DNAH11: variants seen among roughly 807,000 people sequenced by gnomAD.
The protein encoded by DNAH11 is dynein axonemal heavy chain 11, also known as axonemal beta dynein heavy chain 11.
Under a neutral mutation model 526.0 loss-of-function variants are expected in DNAH11, and 442 were observed. That is an observed-to-expected ratio of 0.84 (90% CI 0.78 to 0.91). DNAH11 has a LOEUF of 0.91. Among genes scored for constraint, DNAH11 ranks in the 40% least tolerant of loss-of-function variants. The pLI is 0.00. For missense variants in DNAH11, 6,989 were observed against 5,448.7 expected (o/e 1.28, Z -8.90); for synonymous variants, 2,461 against 1,935.9 (o/e 1.27, Z -7.12).
At chr7:21,607,958 A>G (rs1462676743) in intron 20 of DNAH11, among the ~76,000 whole-genome samples, 3 of 149,544 alleles carry the variant, frequency 2.0e-5, no homozygotes, top group Non-Finnish European at 3.0e-5. Flanking sequence ...AAAAAAAAAA[A>G]AAGGCTTGTA....
At position 21,569,974 on chromosome 7, in the gene DNAH11, C is replaced by G. The variant is rs573391311; in HGVS notation, c.1195-95C>G. ...AGCATTGCTGGCCCAACTTTAGATA[C>G]TGGCATTTAAAAATGATTCTTTGAA... is the stretch of plus-strand genomic sequence containing the variant. On this transcript the variant is annotated intron_variant, in intron 6 of 81. Coordinates refer to ENST00000409508, the MANE Select transcript of DNAH11 (RefSeq NM_001277115.2). 7.9e-6 allele frequency: 8 copies of G among 1,011,356 alleles called. No individual in the cohort carries two copies. The South Asian group carries it at 1.6e-4, about 20-fold the overall frequency. The allele number at this position is 1,011,356 out of a possible 1,614,324, so 62.6% of individuals were successfully genotyped here. A position where few individuals can be genotyped will look rare whatever the true frequency, so the allele number is the denominator to read the frequency against.
intron 25 of DNAH11, among the ~76,000 whole-genome samples, chr7:21,632,209 C>A (rs900077122): frequency 2.0e-5 from 3 of 152,194 alleles, no homozygotes; most frequent in African/African-American, 7.2e-5. Flanking sequence ...GCACAGGAAC[C>A]CTGGGCCTGG....
intron 26 of DNAH11, among the ~76,000 whole-genome samples, chr7:21,636,390 A>G (rs1257015226): frequency 1.3e-5 from 2 of 152,182 alleles, no homozygotes; most frequent in African/African-American, 4.8e-5. Flanking sequence ...TTTGAATTTC[A>G]CATAGTTATC....
intron 39 of DNAH11, among the ~76,000 whole-genome samples, chr7:21,705,994 C>T (rs2128479729): frequency 6.6e-6 from 1 of 152,258 alleles, no homozygotes; most frequent in African/African-American, 2.4e-5. Flanking sequence ...TCCAAGTCAT[C>T]CTTGATTCTC....
chr7:21,807,811 A>G (rs760916568), intron 62 of DNAH11, 72 bp from the exon 63 acceptor site: 15 of 1,457,298 alleles, frequency 1.0e-5, no homozygotes, highest in Non-Finnish European at 1.3e-5. Flanking sequence ...GCCATAAGGT[A>G]ATTGCATTAA....
chr7:21,656,641 G>A (rs17144904), intron 29 of DNAH11, among the ~76,000 whole-genome samples: 12,949 of 152,128 alleles, frequency 0.085, 710 homozygotes, highest in African/African-American at 0.16. Flanking sequence ...TTTTATGATG[G>A]AGCTTGCGTA....
intron 31 of DNAH11, among the ~76,000 whole-genome samples, chr7:21,683,342 A>C (rs1783219820): frequency 2.0e-5 from 3 of 152,214 alleles, no homozygotes; most frequent in African/African-American, 7.2e-5. Context: ...CAAAGCAGAA[A>C]ATCTCTGTAC....
At chr7:21,665,057 G>A (rs1782372667) in intron 30 of DNAH11, among the ~76,000 whole-genome samples, 1 of 151,904 alleles carries the variant, frequency 6.6e-6, no homozygotes, top group Non-Finnish European at 1.5e-5. Context: ...TTGTCAGGAA[G>A]GGATCAGTCT....
rs954013400 is a variant in DNAH11, at chr7:21,739,728, G to C, written c.7914+55G>C. The C allele has an allele frequency of 2.9e-5, 39 of 1,365,954 alleles. No homozygotes were observed. The East Asian group carries it at 7.0e-4, about 25-fold the overall frequency. 84.6% of individuals were successfully genotyped at this position (1,365,954 alleles called of 1,614,324 possible). A position where few individuals can be genotyped will look rare whatever the true frequency, so the allele number is the denominator to read the frequency against. Reference sequence around the variant, plus strand: ...TGTAGGTCTGTATTGTATTGTTTTCGAGTACAGCTTAGGATTCCTATGGGA... The same window carrying C: ...TGTAGGTCTGTATTGTATTGTTTTCCAGTACAGCTTAGGATTCCTATGGGA... On this transcript the variant is annotated intron_variant, in intron 48 of 81. Transcript: ENST00000409508.
intron 30 of DNAH11, among the ~76,000 whole-genome samples, chr7:21,674,670 A>G (rs1782796221): frequency 6.6e-6 from 1 of 151,520 alleles, no homozygotes; most frequent in African/African-American, 2.4e-5. Flanking sequence ...TTTTTCACAC[A>G]TCCCTGACTG....
rs1232942462 is a variant in DNAH11, at chr7:21,901,477, G to C, written c.*223G>C. 1 of 492,066 alleles carries C rather than the reference G, an allele frequency of 2.0e-6. No individual in the cohort carries two copies. The highest frequency in any genetic ancestry group is 3.1e-6 in the Non-Finnish European group (1 of 327,532). The allele number at this position is 492,066 out of a possible 1,614,324, so 30.5% of individuals were successfully genotyped here. On this transcript the variant is annotated 3_prime_UTR_variant, in exon 82 of 82. Transcript: ENST00000409508. ...GTAATCCCAGTTACTCAGGAGGTAG[G>C]AGAATCACTTGAACCTAGGAGGCAA...
intron 30 of DNAH11, among the ~76,000 whole-genome samples, chr7:21,668,609 C>T (rs1209897465): frequency 1.3e-5 from 2 of 152,166 alleles, no homozygotes; most frequent in East Asian, 1.9e-4. Flanking sequence ...TTTCAGACCC[C>T]TCACATTTTT....
At chr7:21,544,977 T>C (rs1257971060) in intron 1 of DNAH11, 29 bp from the exon 2 acceptor site, 1 of 1,538,322 alleles carries the variant, frequency 6.5e-7, no homozygotes, top group Non-Finnish European at 8.8e-7. Context: ...AGAAAACTAC[T>C]TGAACTAATT....
chr7:21,639,748 C>T (rs1787034441), intron 28 of DNAH11, among the ~76,000 whole-genome samples: 2 of 152,152 alleles, frequency 1.3e-5, no homozygotes, highest in African/African-American at 4.8e-5. Flanking sequence ...CTCAATCATT[C>T]CTATTCACTT....
intron 54 of DNAH11, among the ~76,000 whole-genome samples, chr7:21,762,487 A>C (rs1476986338): frequency 2.0e-5 from 3 of 152,202 alleles, no homozygotes; most frequent in Non-Finnish European, 4.4e-5. Context: ...GGTGTGGGAA[A>C]CCAACTTCTT....
Position 21,616,322 on chromosome 7 carries a change from T to C in DNAH11, c.4095+30T>C, listed in dbSNP as rs550627958. The C allele has an allele frequency of 1.5e-5, 23 of 1,563,766 alleles. No homozygotes were observed. In the South Asian group the frequency reaches 2.4e-4, roughly 16 times the overall value. ...GTTCCATAACTGTCTATTACAACAA[T>C]TTATCTTTCTCAGCACCACCTCCTT... On this transcript the variant is annotated intron_variant, in intron 22 of 81. Coordinates refer to ENST00000409508, the MANE Select transcript of DNAH11 (RefSeq NM_001277115.2).
rs149435123 is a variant in DNAH11, at chr7:21,707,589, A to C, written c.6547-110A>C. The C allele has an allele frequency of 6.0e-6, 8 of 1,328,852 alleles. No individual in the cohort carries two copies. The East Asian group carries it at 1.8e-4, about 29-fold the overall frequency. The allele number at this position is 1,328,852 out of a possible 1,614,324, so 82.3% of individuals were successfully genotyped here. On this transcript the variant is annotated intron_variant, in intron 39 of 81. Coordinates refer to ENST00000409508, the MANE Select transcript of DNAH11 (RefSeq NM_001277115.2). ...TCCCCTTCTCGATCTTAGCACACAC[A>C]CAGCATCTAGGAACATATAATGAAT... is the stretch of plus-strand genomic sequence containing the variant.
chr7:21,548,250 G>A (rs62439331), intron 2 of DNAH11, among the ~76,000 whole-genome samples: 29,248 of 151,616 alleles, frequency 0.19, 2,902 homozygotes, highest in Middle Eastern at 0.28. Flanking sequence ...TTCTGCTAGT[G>A]TCATGTCTAG....
intron 28 of DNAH11, among the ~76,000 whole-genome samples, chr7:21,641,018 G>C (rs1194458118): frequency 1.3e-5 from 2 of 152,160 alleles, no homozygotes; most frequent in African/African-American, 4.8e-5. Flanking sequence ...CAAGTGTGCA[G>C]GTCCTCTGGA....
Sources: gnomAD v4.1 joint callset for allele counts (sites outside exome capture counted in the v4.1 genomes callset) on GRCh38, gnomAD v4.1.1 for gene constraint, MANE v1.5 for transcripts, NCBI Gene and HGNC (gene_info 2026-07-23, HGNC 2026-07-21) for gene names.